ZBED6: variants seen among roughly 807,000 people sequenced by gnomAD.
ZBED6 encodes zinc finger BED-type containing 6.
In ZBED6, 40 loss-of-function variants were observed where a neutral mutation model predicts 58.4. That is an observed-to-expected ratio of 0.68 (90% confidence interval 0.53 to 0.89). The LOEUF is 0.89. Among genes scored for constraint, ZBED6 ranks in the 40% least tolerant of loss-of-function variants. The pLI is 0.00. For missense variants in ZBED6, 1,057 were observed against 1,003.9 expected (o/e 1.05, Z -0.71); for synonymous variants, 439 against 350.6 (o/e 1.25, Z -2.82).
exon 1 of ZBED6, chr1:203,800,299 A>G: frequency 5.4e-6 from 5 of 918,424 alleles, no homozygotes; most frequent in Non-Finnish European, 8.6e-6. Context: ...AGCCACTTTC[A>G]TCCAAAACAG....
exon 1 of ZBED6, chr1:203,797,414 C>A: frequency 9.1e-7 from 1 of 1,099,420 alleles, no homozygotes; most frequent in Non-Finnish European, 1.2e-6. Flanking sequence ...TTTGATTCCC[C>A]ATAGAAACTG....
At chr1:203,798,426 G>A in exon 1 of ZBED6, 1 of 1,534,932 alleles carries the variant, frequency 6.5e-7, no homozygotes, top group Non-Finnish European at 8.7e-7. Context: ...GTCCCACTTA[G>A]GGACTTCAAC....
chr1:203,797,608 G>C lies in ZBED6; in HGVS notation c.86G>C (p.Gly29Ala), dbSNP rs760016006. The change falls in exon 1 of 17, where the codon GGA becomes GCA. Residue 29 changes from glycine (G) to alanine (A), a missense_variant. By Grantham distance (60) the Gly-to-Ala change is moderately conservative. Coordinates refer to ENST00000550078, the Ensembl canonical transcript of ZBED6. ...ACTTTTAGTGATTCTGGGATTCTGG[G>C]ATGTGTTCCTATTAATTCTAATACA... The C allele has an allele frequency of 2.5e-5, 39 of 1,535,500 alleles. No homozygotes were observed. The highest frequency in any genetic ancestry group is 3.2e-5 in the Non-Finnish European group (37 of 1,146,824).
rs190779578 is a variant in ZBED6, at chr1:203,843,847, C to T, written c.*3742-3337C>T. Among the ~76,000 whole-genome samples the T allele has an allele frequency of 2.7e-3, 408 of 150,700 alleles. 2 individuals carry two copies. Among genetic ancestry groups the T allele is most frequent in the Non-Finnish European group, 4.6e-3 (311 of 67,580 alleles). On this transcript the variant is annotated intron_variant, in intron 11 of 16. Transcript: ENST00000550078. ...GTTCTCTTATTTTTTTTTCTTTATT[C>T]TCGGCCTGGGATTTCTTCTTTTTTT...
intron 1 of ZBED6, among the ~76,000 whole-genome samples, chr1:203,808,914 T>C (rs1429184007): frequency 6.6e-6 from 1 of 152,158 alleles, no homozygotes; most frequent in African/African-American, 2.4e-5. Context: ...CACTGCAACC[T>C]CCACCTCCCG....
chr1:203,834,156 G>A (rs1225996719), intron 9 of ZBED6: 4 of 875,016 alleles, frequency 4.6e-6, no homozygotes, highest in Non-Finnish European at 4.2e-6. Context: ...TTTTAGAGGC[G>A]AGAAAAATGA....
At chr1:203,796,154 C>T in exon 1 of ZBED6, 1 of 301,826 alleles carries the variant, frequency 3.3e-6, no homozygotes, top group Non-Finnish European at 6.1e-6. Flanking sequence ...CCGACTGTTC[C>T]CCCGAATCCC....
exon 1 of ZBED6, chr1:203,799,315 A>C (rs1257706495): frequency 2.8e-6 from 2 of 710,234 alleles, no homozygotes; most frequent in African/African-American, 3.5e-5. Flanking sequence ...TTTTTCTGCG[A>C]GCACAAAAGC....
intron 11 of ZBED6, among the ~76,000 whole-genome samples, chr1:203,842,274 C>T (rs1282406688): frequency 6.6e-6 from 1 of 152,170 alleles, no homozygotes; most frequent in Admixed American, 6.5e-5. Context: ...TTGTAGCAAG[C>T]CGAGATCACG....
At chr1:203,838,176 T>C in intron 10 of ZBED6, 112 bp downstream of exon 10, 1 of 951,254 alleles carries the variant, frequency 1.1e-6, no homozygotes, top group Non-Finnish European at 1.6e-6. Context: ...GGTTATCTTG[T>C]ATTTGTTATA....
chr1:203,799,378 C>T (rs1050828823), exon 1 of ZBED6: 20 of 703,342 alleles, frequency 2.8e-5, no homozygotes, highest in Non-Finnish European at 3.9e-5. Context: ...TTTAGTCATT[C>T]GGTCAAGGCC....
At chr1:203,831,049 A>G (rs1306458289) in intron 7 of ZBED6, among the ~76,000 whole-genome samples, 1 of 139,194 alleles carries the variant, frequency 7.2e-6, no homozygotes, top group African/African-American at 2.7e-5. Context: ...AGTTCAAGCT[A>G]TTCTGCTGCC....
At position 203,820,482 on chromosome 1, in the gene ZBED6, G is replaced by GTGTGTGTGTGTGTGTGTA. The variant is rs1266406820; in HGVS notation, c.*2873+1794_*2873+1795insGTGTGTGTGTGTGTGTAT. Reference sequence around the variant, plus strand: ...TATCACAAATTATGTGTGTGTGTGTGTATATTTTGAGTTGAGACAGAGTCT... The same window carrying GTGTGTGTGTGTGTGTGTA: ...TATCACAAATTATGTGTGTGTGTGTGTGTGTGTGTGTGTGTGTATATATTTTGAGTTGAGACAGAGTCT... On this transcript the variant is annotated intron_variant, in intron 3 of 16. Coordinates refer to ENST00000550078, the Ensembl canonical transcript of ZBED6. 1.7e-3 allele frequency among the ~76,000 whole-genome samples: 263 copies of GTGTGTGTGTGTGTGTGTA among 151,970 alleles called. 6 individuals carry two copies. In the East Asian group the frequency reaches 0.042, roughly 24 times the overall value.
intron 10 of ZBED6, 33 bp downstream of exon 10, chr1:203,838,097 T>C: frequency 6.3e-7 from 1 of 1,594,804 alleles, no homozygotes; most frequent in Non-Finnish European, 8.6e-7. Flanking sequence ...TGTGTGTGTA[T>C]GTAATTATGA....
intron 11 of ZBED6, among the ~76,000 whole-genome samples, chr1:203,843,111 G>A (rs538457070): frequency 6.6e-6 from 1 of 152,160 alleles, no homozygotes; most frequent in Non-Finnish European, 1.5e-5. Context: ...TTCTTATTCT[G>A]TTGTATGCAA....
intron 11 of ZBED6, among the ~76,000 whole-genome samples, chr1:203,846,956 G>T (rs1688068675): frequency 6.6e-6 from 1 of 151,338 alleles, no homozygotes; most frequent in African/African-American, 2.4e-5. Flanking sequence ...AGTGAGCTGA[G>T]ATTATACCAC....
chr1:203,840,379 G>A lies in ZBED6; in HGVS notation c.*3741+5G>A. The A allele has an allele frequency of 6.2e-7, 1 of 1,611,694 alleles. No homozygotes were observed. The highest frequency in any genetic ancestry group is 1.1e-5 in the South Asian group (1 of 90,812). On this transcript the variant is annotated splice_donor_5th_base_variant and intron_variant, in intron 11 of 16. Transcript: ENST00000550078. ...CAGATAATGAGGATGCAACAGGTAA[G>A]TAAATCCTAAGACCAGATTCTGATT...
At chr1:203,795,726 G>C (rs1454641738) in exon 1 of ZBED6, 3 of 152,244 alleles carry the variant, frequency 2.0e-5, no homozygotes, top group East Asian at 1.9e-4. Flanking sequence ...GGCCAAGCAA[G>C]AAGAAAGACG....
At chr1:203,814,232 A>G (rs1675476681) in intron 1 of ZBED6, among the ~76,000 whole-genome samples, 1 of 152,148 alleles carries the variant, frequency 6.6e-6, no homozygotes, top group Non-Finnish European at 1.5e-5. Context: ...TTTTAACAGG[A>G]ATAACCTTTC....
Sources: gnomAD v4.1 joint callset for allele counts (sites outside exome capture counted in the v4.1 genomes callset) on GRCh38, gnomAD v4.1.1 for gene constraint, MANE v1.5 for transcripts, NCBI Gene and HGNC (gene_info 2026-07-23, HGNC 2026-07-21) for gene names.